TEKT5: variants seen among roughly 807,000 people sequenced by gnomAD.
TEKT5 encodes the protein tektin-5.
A neutral mutation model predicts 48.7 loss-of-function variants in TEKT5; 52 were observed. The observed-to-expected ratio is 1.07, with a 90% CI of 0.86 to 1.35. The LOEUF (loss-of-function observed/expected upper bound fraction) is 1.35. Ranked by LOEUF, TEKT5 falls within the 40% of genes most tolerant of loss-of-function variation. TEKT5 has a pLI of 0.00. For missense variants in TEKT5, 831 were observed against 641.6 expected (o/e 1.30, Z -3.19); for synonymous variants, 318 against 267.6 (o/e 1.19, Z -1.84).
chr16:10,653,112 A>C (rs558963212), intron 5 of TEKT5, among the ~76,000 whole-genome samples: 1 of 152,270 alleles, frequency 6.6e-6, no homozygotes, highest in South Asian at 2.1e-4. Context: ...GAATCTGGGG[A>C]AAAGAGGCTT....
At chr16:10,628,386 A>G (rs1338539310) in intron 6 of TEKT5, among the ~76,000 whole-genome samples, 1 of 152,268 alleles carries the variant, frequency 6.6e-6, no homozygotes, top group East Asian at 1.9e-4. Context: ...TCGATAAGTT[A>G]GACATAGACT....
intron 5 of TEKT5, among the ~76,000 whole-genome samples, chr16:10,642,384 C>T (rs1011933528): frequency 2.0e-5 from 3 of 152,180 alleles, no homozygotes; most frequent in African/African-American, 7.2e-5. Flanking sequence ...CAACTAGGGA[C>T]AGTCCCTCTC....
At chr16:10,643,060 T>C (rs1431562937) in intron 5 of TEKT5, among the ~76,000 whole-genome samples, 1 of 152,170 alleles carries the variant, frequency 6.6e-6, no homozygotes, top group Non-Finnish European at 1.5e-5. Context: ...CGTCAAAACA[T>C]ACGCACAATT....
intron 4 of TEKT5, 39 bp from the exon 5 acceptor site, chr16:10,676,220 G>T: frequency 6.3e-7 from 1 of 1,598,784 alleles, no homozygotes; most frequent in South Asian, 1.1e-5. Context: ...AGTCCTGGAA[G>T]ACCTCAGAAT....
chr16:10,647,636 T>C (rs761617950), intron 5 of TEKT5, among the ~76,000 whole-genome samples: 2 of 123,662 alleles, frequency 1.6e-5, no homozygotes, highest in Non-Finnish European at 3.4e-5. Flanking sequence ...ACCTTGTCTC[T>C]TTCTTTGTTC....
At chr16:10,683,293 GC>G (rs1188104642) in intron 3 of TEKT5, among the ~76,000 whole-genome samples, 1 of 33,986 alleles carries the variant, frequency 2.9e-5, no homozygotes, top group Non-Finnish European at 5.0e-5. Context: ...GGAGTCAGGG[GC>G]TACGTGAGGA....
intron 5 of TEKT5, among the ~76,000 whole-genome samples, chr16:10,664,844 A>G (rs1304421735): frequency 6.6e-6 from 1 of 152,210 alleles, no homozygotes; most frequent in Non-Finnish European, 1.5e-5. Flanking sequence ...GAGAAAGCAG[A>G]CCATAGCTTT....
At chr16:10,658,728 T>C (rs72783720) in intron 5 of TEKT5, among the ~76,000 whole-genome samples, 1 of 65,926 alleles carries the variant, frequency 1.5e-5, no homozygotes, top group African/African-American at 8.1e-5. Context: ...CTTTTTCTTT[T>C]TTTTTTTGAG....
In TEKT5 at chr16:10,635,775, G is replaced by T. The variant is rs768949281; in HGVS notation, c.1230C>A (p.Ile410=). 3 of 1,612,326 alleles carry T rather than the reference G, an allele frequency of 1.9e-6. No homozygotes were observed. The highest frequency in any genetic ancestry group is 1.1e-5 in the South Asian group (1 of 90,968). The change falls in exon 6 of 7, where the codon ATC becomes ATA. Residue 410 remains isoleucine, a synonymous_variant. Coordinates refer to ENST00000283025, the MANE Select transcript of TEKT5 (RefSeq NM_144674.2). The stretch of plus-strand genomic sequence containing the variant: ...CCTCCCTCACTTACTTCAACTGCGG[G>T]ATGTCCCTGCACAGCTCCATGTTGG... ...RRPNMELCRD[I]PQLKLVNEVF... is the part of the protein sequence containing the mutation.
rs1898638440 is a variant in TEKT5, at chr16:10,676,024, C to A, written c.1021G>T (p.Ala341Ser). 1.2e-6 allele frequency: 2 copies of A among 1,614,198 alleles called. No homozygotes were observed. Among genetic ancestry groups the A allele is most frequent in the Non-Finnish European group, 1.7e-6 (2 of 1,180,036 alleles). Residue 341 changes from alanine to serine, a missense_variant, in exon 5 of 7, where the codon GCC (alanine) becomes TCC (serine). By Grantham distance (99) the Ala-to-Ser change is moderately conservative. Transcript: ENST00000283025. ...ACCTCAGAGATGCGGGCGTTGAAGG[C>A]CAGGTTGGTGTCTGTGAACTGCCTC... ...MWRQFTDTNL[A>S]FNARISEVTD...
At chr16:10,636,200 C>A (rs1201441622) in intron 5 of TEKT5, among the ~76,000 whole-genome samples, 1 of 152,014 alleles carries the variant, frequency 6.6e-6, no homozygotes. Flanking sequence ...CGTGGTGAAA[C>A]CCCGTCTCTA....
chr16:10,663,939 C>T (rs1301215020), intron 5 of TEKT5, among the ~76,000 whole-genome samples: 1 of 152,220 alleles, frequency 6.6e-6, no homozygotes, highest in Non-Finnish European at 1.5e-5. Flanking sequence ...CAGGCCAGCA[C>T]ATGCATCAGC....
At chr16:10,682,501 A>T (rs1460849790) in intron 3 of TEKT5, among the ~76,000 whole-genome samples, 1 of 151,976 alleles carries the variant, frequency 6.6e-6, no homozygotes, top group East Asian at 1.9e-4. Flanking sequence ...CTAACTTTTT[A>T]AATATTTTTG....
At chr16:10,658,938 G>A (rs1238778618) in intron 5 of TEKT5, among the ~76,000 whole-genome samples, 2 of 152,008 alleles carry the variant, frequency 1.3e-5, no homozygotes, top group Non-Finnish European at 2.9e-5. Context: ...GGCTGGTCTC[G>A]AACTCCTGGC....
intron 2 of TEKT5, 52 bp downstream of exon 2, chr16:10,689,890 C>A: frequency 1.3e-6 from 2 of 1,582,424 alleles, no homozygotes; most frequent in Non-Finnish European, 1.7e-6. Context: ...CTCTGACCTG[C>A]TGGCCTTCCC....
At chr16:10,660,673 G>A (rs1898351997) in intron 5 of TEKT5, among the ~76,000 whole-genome samples, 2 of 75,156 alleles carry the variant, frequency 2.7e-5, no homozygotes, top group African/African-American at 8.0e-5. Flanking sequence ...GTGTGTGTGT[G>A]TGTGTGTGTG....
At chr16:10,667,309 T>G (rs540762958) in intron 5 of TEKT5, among the ~76,000 whole-genome samples, 8 of 152,122 alleles carry the variant, frequency 5.3e-5, no homozygotes, top group Non-Finnish European at 1.2e-4. Flanking sequence ...GTTAAAGATC[T>G]CTCCCCTACA....
chr16:10,694,078 C>T (rs959455516), intron 1 of TEKT5, among the ~76,000 whole-genome samples: 3 of 152,200 alleles, frequency 2.0e-5, no homozygotes, highest in African/African-American at 4.8e-5. Context: ...GAAACCCCTG[C>T]AACTTTGATG....
At chr16:10,642,244 C>T (rs1214484339) in intron 5 of TEKT5, among the ~76,000 whole-genome samples, 1 of 152,162 alleles carries the variant, frequency 6.6e-6, no homozygotes, top group African/African-American at 2.4e-5. Flanking sequence ...GACAAGTCAC[C>T]CTGGAGCACA....
Sources: allele counts gnomAD v4.1 joint callset (sites outside exome capture counted in the v4.1 genomes callset), GRCh38; gene constraint gnomAD v4.1.1; transcripts MANE v1.5; gene names NCBI Gene and HGNC (gene_info 2026-07-23, HGNC 2026-07-21).